Variants in MAGI2 observed in about 807,000 individuals in gnomAD.
The protein encoded by MAGI2 is membrane-associated guanylate kinase, WW and PDZ domain-containing protein 2.
MAGI2 carries 35 observed loss-of-function variants against 133.3 expected under a neutral mutation model. The ratio of observed to expected loss-of-function variants is 0.26; its 90% CI spans 0.20 to 0.35. The LOEUF is 0.35. MAGI2 is among the 10% of genes least tolerant of loss of function. MAGI2 has a pLI of 1.00. For synonymous variants in MAGI2, 729 were observed against 710.6 expected (o/e 1.03, Z -0.41); for missense variants, 1,636 against 1,863.4 (o/e 0.88, Z 2.25).
chr7:78,857,091 C>T (rs1793715405), intron 2 of MAGI2, among the ~76,000 whole-genome samples: 1 of 152,138 alleles, frequency 6.6e-6, no homozygotes, highest in African/African-American at 2.4e-5. Flanking sequence ...GTGATTTTTG[C>T]ACATTGATTT....
At chr7:78,185,717 T>C (rs773256026) in intron 12 of MAGI2, 47 bp from the exon 13 acceptor site, 24 of 1,433,276 alleles carry the variant, frequency 1.7e-5, no homozygotes, top group Non-Finnish European at 2.3e-5. Context: ...TTTATGGCAT[T>C]TTAAAATTCA....
intron 3 of MAGI2, among the ~76,000 whole-genome samples, chr7:78,558,839 T>TA (rs1491038600): frequency 4.8e-5 from 3 of 62,716 alleles, no homozygotes; most frequent in African/African-American, 1.2e-4. Flanking sequence ...GAGACACCGT[T>TA]TTTTTTTTTT....
At chr7:78,242,068 C>T (rs56678621) in intron 10 of MAGI2, among the ~76,000 whole-genome samples, 51 of 147,646 alleles carry the variant, frequency 3.5e-4, no homozygotes, top group African/African-American at 1.1e-3. Flanking sequence ...CATGTTTGAC[C>T]ACAAACCATT....
At chr7:79,449,086 T>C (rs1447512342) in intron 1 of MAGI2, among the ~76,000 whole-genome samples, 1 of 152,140 alleles carries the variant, frequency 6.6e-6, no homozygotes, top group African/African-American at 2.4e-5. Flanking sequence ...CTCACATTTC[T>C]ACAGAAAAAA....
chr7:78,461,580 G>A (rs1790023788), intron 6 of MAGI2, among the ~76,000 whole-genome samples: 1 of 151,882 alleles, frequency 6.6e-6, no homozygotes, highest in Non-Finnish European at 1.5e-5. Flanking sequence ...TTTGGATTTA[G>A]AGCTTTTCAA....
intron 3 of MAGI2, among the ~76,000 whole-genome samples, chr7:78,550,275 G>A (rs1799224322): frequency 6.6e-6 from 1 of 152,072 alleles, no homozygotes; most frequent in Non-Finnish European, 1.5e-5. Flanking sequence ...TTTTGTTCAG[G>A]CACCCATTCT....
intron 1 of MAGI2, among the ~76,000 whole-genome samples, chr7:79,025,499 A>T (rs1466224316): frequency 6.6e-6 from 1 of 152,152 alleles, no homozygotes; most frequent in Admixed American, 6.5e-5. Context: ...CTGAGCCTAA[A>T]ATAAGTTTTT....
At chr7:78,132,792 AG>A in intron 18 of MAGI2, 96 bp downstream of exon 18, 2 of 1,548,016 alleles carry the variant, frequency 1.3e-6, no homozygotes, top group Non-Finnish European at 1.8e-6. Flanking sequence ...ACTTTATAAA[AG>A]TCTCTCTCTC....
intron 9 of MAGI2, among the ~76,000 whole-genome samples, chr7:78,328,672 T>G (rs1429638924): frequency 1.3e-5 from 2 of 152,184 alleles, no homozygotes; most frequent in African/African-American, 4.8e-5. Context: ...TGCTTATCAT[T>G]GTGCTTAAAA....
chr7:78,294,632 T>C (rs1364734575), intron 9 of MAGI2, among the ~76,000 whole-genome samples: 1 of 152,094 alleles, frequency 6.6e-6, no homozygotes, highest in Non-Finnish European at 1.5e-5. Context: ...TTTAACTTAC[T>C]AGTAGTGCAC....
At chr7:79,249,464 GAC>G (rs1195902845) in intron 1 of MAGI2, among the ~76,000 whole-genome samples, 1 of 151,736 alleles carries the variant, frequency 6.6e-6, no homozygotes, top group Non-Finnish European at 1.5e-5. Flanking sequence ...TAATAAAAAA[GAC>G]ATTACAATCA....
chr7:79,171,770 A>ATATATATATATATATAT, intron 1 of MAGI2, among the ~76,000 whole-genome samples: 3 of 31,204 alleles, frequency 9.6e-5, no homozygotes, highest in Non-Finnish European at 1.1e-4. Flanking sequence ...ATATATATAT[A>ATATATATATATATATAT]TTTTTTTTTT....
At chr7:78,834,141 C>A (rs562670942) in intron 2 of MAGI2, among the ~76,000 whole-genome samples, 8 of 152,158 alleles carry the variant, frequency 5.3e-5, no homozygotes, top group Non-Finnish European at 1.0e-4. Flanking sequence ...TTACAGTTCT[C>A]TGGACAATAT....
At chr7:78,064,222 T>C (rs542433744) in intron 21 of MAGI2, among the ~76,000 whole-genome samples, 5 of 152,210 alleles carry the variant, frequency 3.3e-5, no homozygotes, top group Non-Finnish European at 5.9e-5. Context: ...CTTAGCTATG[T>C]AGTTTTCCCT....
intron 1 of MAGI2, among the ~76,000 whole-genome samples, chr7:79,058,754 G>A (rs774938228): frequency 1.8e-4 from 27 of 152,164 alleles, no homozygotes; most frequent in African/African-American, 4.1e-4. Context: ...AAAAATGAAC[G>A]CAAAACACTT....
intron 7 of MAGI2, among the ~76,000 whole-genome samples, chr7:78,354,721 T>C (rs1791882912): frequency 6.6e-6 from 1 of 152,174 alleles, no homozygotes; most frequent in Non-Finnish European, 1.5e-5. Flanking sequence ...TAGCAATTCC[T>C]TTTATATGCT....
At chr7:78,165,654 C>A (rs1454923006) in intron 15 of MAGI2, among the ~76,000 whole-genome samples, 2 of 152,200 alleles carry the variant, frequency 1.3e-5, no homozygotes. Context: ...CTGCTGCTAT[C>A]TCTTCCTTAG....
chr7:79,077,499 TGGCCG>T (rs1183106004), intron 1 of MAGI2, among the ~76,000 whole-genome samples: 1 of 143,932 alleles, frequency 6.9e-6, no homozygotes, highest in Non-Finnish European at 1.5e-5. Context: ...GGTGTGAACC[TGGCCG>T]GTGGAGCTTG....
intron 6 of MAGI2, among the ~76,000 whole-genome samples, chr7:78,440,088 T>C (rs540605125): frequency 6.6e-6 from 1 of 152,002 alleles, no homozygotes; most frequent in South Asian, 2.1e-4. Flanking sequence ...AATATAAATA[T>C]ATTTATATTT....
Sources: gnomAD v4.1 joint callset for allele counts (sites outside exome capture counted in the v4.1 genomes callset) on GRCh38, gnomAD v4.1.1 for gene constraint, MANE v1.5 for transcripts, NCBI Gene and HGNC (gene_info 2026-07-23, HGNC 2026-07-21) for gene names.